PPFIA1: variants seen among roughly 807,000 people sequenced by gnomAD.
PPFIA1 encodes liprin-alpha-1.
PPFIA1 carries 25 observed loss-of-function variants against 149.9 expected under a neutral mutation model. That is an observed-to-expected ratio of 0.17 (90% CI 0.12 to 0.23). PPFIA1 has a LOEUF of 0.23. Ranked by LOEUF, PPFIA1 falls within the 10% of genes least tolerant of loss-of-function variation. The probability of loss-of-function intolerance (pLI) is 1.00; values close to 1 mark genes in which losing one functional copy is unlikely to be tolerated. For synonymous variants in PPFIA1, 549 were observed against 552.8 expected, an observed-to-expected ratio of 0.99 and a Z score of 0.10; for missense variants, 1,362 against 1,506.5, an observed-to-expected ratio of 0.90 and a Z score of 1.59.
chr11:70,275,264 A>G (rs1222787440), intron 2 of PPFIA1, among the ~76,000 whole-genome samples: 2 of 152,088 alleles, frequency 1.3e-5, no homozygotes, highest in Non-Finnish European at 2.9e-5. Flanking sequence ...TGAAACGGTT[A>G]TCTTTTGCCC....
chr11:70,316,294 ACTC>A (rs1222660833), intron 2 of PPFIA1, among the ~76,000 whole-genome samples: 1 of 150,958 alleles, frequency 6.6e-6, no homozygotes, highest in East Asian at 2.0e-4. Flanking sequence ...CTGGTCTTGA[ACTC>A]CTTGCCTCAA....
chr11:70,364,369 G>A (rs531789371), intron 21 of PPFIA1: 3 of 152,314 alleles, frequency 2.0e-5, no homozygotes, highest in African/African-American at 7.2e-5. Flanking sequence ...TGGTTATTGG[G>A]AGATAAGGGC....
intron 2 of PPFIA1, among the ~76,000 whole-genome samples, chr11:70,295,746 C>G (rs183455658): frequency 0.2 from 30,182 of 147,416 alleles, 4,823 homozygotes; most frequent in African/African-American, 0.44. Context: ...CTGACCCCCC[C>G]ACCTCCCTCC....
At chr11:70,333,199 T>C in intron 9 of PPFIA1, 2 of 548,482 alleles carry the variant, frequency 3.6e-6, no homozygotes. Flanking sequence ...ACGACTCCAT[T>C]GAGATTGGGC....
intron 2 of PPFIA1, among the ~76,000 whole-genome samples, chr11:70,310,039 A>AT (rs1366230074): frequency 3.3e-5 from 5 of 152,250 alleles, no homozygotes; most frequent in African/African-American, 1.2e-4. Context: ...TTTAAAACAT[A>AT]AAAGCAGTAT....
At chr11:70,311,204 G>A (rs1443810909) in intron 2 of PPFIA1, among the ~76,000 whole-genome samples, 2 of 152,034 alleles carry the variant, frequency 1.3e-5, no homozygotes, top group African/African-American at 4.8e-5. Context: ...AGGTACTCCG[G>A]AGGCTGAGGC....
At chr11:70,337,468 A>G in intron 12 of PPFIA1, 41 bp downstream of exon 12, 2 of 1,453,060 alleles carry the variant, frequency 1.4e-6, no homozygotes, top group Non-Finnish European at 9.5e-7. Context: ...GCCAAGTTGA[A>G]CTGAGTTGAT....
intron 13 of PPFIA1, among the ~76,000 whole-genome samples, chr11:70,338,699 G>A (rs1164146809): frequency 6.6e-6 from 1 of 152,242 alleles, no homozygotes; most frequent in Non-Finnish European, 1.5e-5. Flanking sequence ...TAATTTAGGT[G>A]CCCAGCAGAG....
chr11:70,363,632 G>A (rs1042363854), intron 21 of PPFIA1, among the ~76,000 whole-genome samples: 1 of 152,104 alleles, frequency 6.6e-6, no homozygotes, highest in Non-Finnish European at 1.5e-5. Context: ...TCCCACCTCA[G>A]CCTCCCAAGT....
intron 2 of PPFIA1, among the ~76,000 whole-genome samples, chr11:70,301,700 G>A (rs988586610): frequency 2.0e-5 from 3 of 152,110 alleles, no homozygotes; most frequent in East Asian, 3.8e-4. Context: ...TATTTAGTAA[G>A]CTTAATAGAA....
intron 2 of PPFIA1, among the ~76,000 whole-genome samples, chr11:70,281,340 C>T (rs1017641002): frequency 2.6e-5 from 4 of 152,136 alleles, no homozygotes; most frequent in African/African-American, 7.2e-5. Context: ...AGTCAGTAAG[C>T]GTCAGTTGAA....
At position 70,289,996 on chromosome 11, in the gene PPFIA1, A is replaced by G. The variant is rs565549967; in HGVS notation, c.264+17560A>G. 2.6e-5 allele frequency among the ~76,000 whole-genome samples: 4 copies of G among 152,304 alleles called. No individual in the cohort carries two copies. In the South Asian group the frequency reaches 8.3e-4, roughly 32 times the overall value. ...TGTAATCCCACACTTCGGGAGGCTGAGGCAGGTGCATCACTTGAGCCCAGG... is the reference window on the plus strand; with the variant it reads ...TGTAATCCCACACTTCGGGAGGCTGGGGCAGGTGCATCACTTGAGCCCAGG... On this transcript the variant is annotated intron_variant, in intron 2 of 27. Transcript: ENST00000253925.
intron 2 of PPFIA1, 151 bp downstream of exon 2, chr11:70,272,587 C>G (rs114219216): frequency 1.4e-5 from 14 of 966,438 alleles, no homozygotes; most frequent in Non-Finnish European, 2.1e-5. Flanking sequence ...TACAAAGTTC[C>G]TAGGGATTAA....
intron 2 of PPFIA1, among the ~76,000 whole-genome samples, chr11:70,310,176 G>A (rs1026196008): frequency 5.3e-5 from 8 of 152,108 alleles, no homozygotes; most frequent in Admixed American, 5.2e-4. Context: ...CAGAGCTGAC[G>A]GACCAGATGG....
At chr11:70,339,563 T>C (rs950608417) in intron 14 of PPFIA1, among the ~76,000 whole-genome samples, 1 of 152,074 alleles carries the variant, frequency 6.6e-6, no homozygotes, top group African/African-American at 2.4e-5. Context: ...CACACAGTCC[T>C]CTTGCCTCGG....
chr11:70,351,862 G>A (rs1464760831), intron 16 of PPFIA1, among the ~76,000 whole-genome samples: 1 of 152,164 alleles, frequency 6.6e-6, no homozygotes, highest in East Asian at 1.9e-4. Context: ...TGACCTCCCT[G>A]GCAGCGTTCC....
intron 26 of PPFIA1, chr11:70,378,468 G>GA (rs1210735620): frequency 8.7e-7 from 1 of 1,148,956 alleles, no homozygotes; most frequent in Non-Finnish European, 1.1e-6. Context: ...TGTTCTCAGA[G>GA]AGAGACTGAG....
chr11:70,324,361 G>A (rs750566871), intron 2 of PPFIA1, 41 bp from the exon 3 acceptor site: 13 of 1,458,542 alleles, frequency 8.9e-6, no homozygotes, highest in South Asian at 8.3e-5. Flanking sequence ...TTCTTTAGGG[G>A]GTCTTTCTTA....
At position 70,372,248 on chromosome 11, in the gene PPFIA1, A is replaced by G. The variant is rs1358186776; in HGVS notation, c.2899A>G (p.Ile967Val). The G allele has an allele frequency of 1.2e-6, 2 of 1,614,066 alleles. No individual in the cohort carries two copies. Among genetic ancestry groups the G allele is most frequent in the South Asian group, 1.1e-5 (1 of 91,074 alleles). ...LAYGDMNHEW[I>V]GNEWLPSLGL... The stretch of plus-strand genomic sequence containing the variant: ...CTATGGGGACATGAACCACGAGTGG[A>G]TCGGCAACGAGTGGCTCCCCAGCCT... The change falls in exon 22 of 28, where the codon ATC becomes GTC. Residue 967 changes from isoleucine (I) to valine (V), a missense_variant. This residue lies in a region of PPFIA1 where 349 missense variants were observed against 373.3 expected (regional missense o/e 0.93). Transcript: ENST00000253925.
Sources: allele counts gnomAD v4.1 joint callset (sites outside exome capture counted in the v4.1 genomes callset), GRCh38; gene constraint gnomAD v4.1.1; regional missense constraint gnomAD v4.1.1; transcripts MANE v1.5; gene names NCBI Gene and HGNC (gene_info 2026-07-23, HGNC 2026-07-21).